NFATC2: variants seen among roughly 807,000 people sequenced by gnomAD.
NFATC2 encodes nuclear factor of activated T cells 2.
In NFATC2, 22 loss-of-function variants were observed where a neutral mutation model predicts 87.3. The ratio of observed to expected loss-of-function variants is 0.25; its 90% CI spans 0.18 to 0.36. The LOEUF (loss-of-function observed/expected upper bound fraction) is 0.36. NFATC2 is among the 10% of genes least tolerant of loss of function. The pLI is 1.00. For missense variants in NFATC2, 1,149 were observed against 1,259.1 expected, an observed-to-expected ratio of 0.91 and a Z score of 1.32; for synonymous variants, 565 against 542.2, an observed-to-expected ratio of 1.04 and a Z score of -0.58.
In NFATC2 at chr20:51,524,241, G is replaced by A. The variant is rs2076506622; in HGVS notation, c.131-131C>T. The A allele has an allele frequency of 6.1e-6, 5 of 823,270 alleles. No homozygotes were observed. Among genetic ancestry groups the A allele is most frequent in the Non-Finnish European group, 8.4e-6 (5 of 596,170 alleles). 51.0% of individuals were successfully genotyped at this position (823,270 alleles called of 1,614,324 possible). A position where few individuals can be genotyped will look rare whatever the true frequency, so the allele number is the denominator to read the frequency against. On this transcript the variant is annotated intron_variant, in intron 1 of 10. Coordinates refer to ENST00000371564, the MANE Select transcript of NFATC2 (RefSeq NM_012340.5). This position sits in a 1 kb window ranked among gnomAD's most constrained non-coding sequence, Gnocchi z 4.0. ...AAATTCCCACCATGCCAAACCCCAA[G>A]CTAGAAGCTCCGTCCCTCACCAGAA...
chr20:51,408,331 T>C (rs1978649379), intron 9 of NFATC2, among the ~76,000 whole-genome samples: 1 of 151,842 alleles, frequency 6.6e-6, no homozygotes, highest in South Asian at 2.1e-4. Flanking sequence ...CTGGCCAACA[T>C]AGGGAAACCC....
intron 1 of NFATC2, among the ~76,000 whole-genome samples, chr20:51,559,865 T>C (rs1363978226): frequency 6.6e-6 from 1 of 152,248 alleles, no homozygotes; most frequent in Non-Finnish European, 1.5e-5. Context: ...CTGAGCATTT[T>C]ACATGCATCA....
At chr20:51,415,942 A>G (rs925881359) in intron 9 of NFATC2, among the ~76,000 whole-genome samples, 1 of 152,218 alleles carries the variant, frequency 6.6e-6, no homozygotes, top group East Asian at 1.9e-4. Context: ...GTCCAGGGAA[A>G]AAGAAAACAG....
chr20:51,554,114 C>A (rs2076957835), intron 1 of NFATC2, among the ~76,000 whole-genome samples: 1 of 152,134 alleles, frequency 6.6e-6, no homozygotes, highest in South Asian at 2.1e-4. Flanking sequence ...ATCCGCACAA[C>A]TAAACCCTGG....
At chr20:51,427,552 C>T (rs922879864) in intron 9 of NFATC2, among the ~76,000 whole-genome samples, 3 of 152,152 alleles carry the variant, frequency 2.0e-5, no homozygotes, top group Non-Finnish European at 2.9e-5. Context: ...CTTTTTTCAA[C>T]CCTTGACTCC....
chr20:51,491,871 TACACATAC>T (rs1264532653), intron 3 of NFATC2, among the ~76,000 whole-genome samples: 7,357 of 86,094 alleles, frequency 0.085, 319 homozygotes, highest in East Asian at 0.15. Context: ...AACACACACA[TACACATAC>T]ACACACACAC....
In NFATC2 at chr20:51,486,129, T is replaced by C. The variant is rs548127935; in HGVS notation, c.1333-10469A>G. On this transcript the variant is annotated intron_variant, in intron 3 of 10. Coordinates refer to ENST00000371564, the MANE Select transcript of NFATC2 (RefSeq NM_012340.5). ...AGGAGACTGAGACATGAGAATCGCT[T>C]GAACCCGGGAGGCAGAGGTTGCAGT... 7.0e-4 allele frequency among the ~76,000 whole-genome samples: 107 copies of C among 152,062 alleles called. 1 individual carries two copies. Among genetic ancestry groups the C allele is most frequent in the African/African-American group, 2.6e-3 (106 of 41,450 alleles).
At chr20:51,422,671 G>A (rs1008908122) in intron 9 of NFATC2, among the ~76,000 whole-genome samples, 18 of 150,608 alleles carry the variant, frequency 1.2e-4, no homozygotes, top group African/African-American at 4.2e-4. Flanking sequence ...AATGTTACTT[G>A]AAGGCAGCAC....
chr20:51,478,053 C>T (rs1345417577), intron 3 of NFATC2, among the ~76,000 whole-genome samples: 3 of 152,238 alleles, frequency 2.0e-5, no homozygotes, highest in Non-Finnish European at 1.5e-5. Flanking sequence ...ATGGCATGCT[C>T]ATGTCCCCTT....
intron 3 of NFATC2, among the ~76,000 whole-genome samples, chr20:51,484,720 G>A (rs1482588959): frequency 1.3e-5 from 2 of 152,214 alleles, no homozygotes; most frequent in Admixed American, 6.5e-5. Context: ...TGTCCTGCTC[G>A]GTGTGGGCAC....
intron 10 of NFATC2, among the ~76,000 whole-genome samples, chr20:51,394,866 C>T (rs1250136762): frequency 1.3e-5 from 2 of 151,560 alleles, no homozygotes; most frequent in Admixed American, 6.6e-5. Context: ...AGTGTTCTGC[C>T]TCTTCCTGGA....
At chr20:51,516,645 C>G (rs1457156418) in intron 3 of NFATC2, 139 bp downstream of exon 3, 1 of 802,994 alleles carries the variant, frequency 1.2e-6, no homozygotes, top group African/African-American at 1.7e-5. Flanking sequence ...CTAATTTAAT[C>G]TCATATTTCT....
intron 5 of NFATC2, among the ~76,000 whole-genome samples, chr20:51,461,035 C>T (rs899254540): frequency 1.3e-5 from 2 of 152,226 alleles, no homozygotes; most frequent in African/African-American, 4.8e-5. Flanking sequence ...GGACGGGGAA[C>T]TCCTCCAGGG....
chr20:51,552,378 A>G (rs1372700075), intron 1 of NFATC2, among the ~76,000 whole-genome samples: 1 of 152,108 alleles, frequency 6.6e-6, no homozygotes, highest in African/African-American at 2.4e-5. Flanking sequence ...TGCTCCCCCA[A>G]ATGCCTCATT....
At chr20:51,398,763 G>GAA in intron 9 of NFATC2, 33 bp from the exon 10 acceptor site, 10 of 1,248,740 alleles carry the variant, frequency 8.0e-6, no homozygotes, top group Admixed American at 1.9e-5. Flanking sequence ...TTTTTGAGAA[G>GAA]AAAAAAAAAA....
upstream of NFATC2, among the ~76,000 whole-genome samples, chr20:51,546,942 C>T (rs759292137): frequency 6.6e-5 from 10 of 152,028 alleles, no homozygotes; most frequent in South Asian, 4.2e-4. Context: ...AAGTATGAAA[C>T]GATGGAGGAC....
intron 9 of NFATC2, among the ~76,000 whole-genome samples, chr20:51,428,281 G>A (rs1982161462): frequency 6.6e-6 from 1 of 152,194 alleles, no homozygotes; most frequent in South Asian, 2.1e-4. Context: ...ACAGCAGAGA[G>A]AACGCAAGTG....
chr20:51,542,350 C>A lies in NFATC2; in HGVS notation c.130+20G>T. The stretch of plus-strand genomic sequence containing the variant: ...CCCCTGGCGGGCTCAGGGGCCAGGC[C>A]AGGGGTAGCCTCCACCGACCTTCGT... On this transcript the variant is annotated intron_variant, in intron 1 of 10. Transcript: ENST00000371564. 1 of 1,602,254 alleles carries A rather than the reference C, an allele frequency of 6.2e-7. No homozygotes were observed. Among genetic ancestry groups the A allele is most frequent in the Non-Finnish European group, 8.5e-7 (1 of 1,174,122 alleles).
intron 9 of NFATC2, among the ~76,000 whole-genome samples, chr20:51,420,297 CA>C (rs892569003): frequency 5.9e-5 from 9 of 152,168 alleles, no homozygotes; most frequent in Middle Eastern, 3.2e-3. Flanking sequence ...TGACTATCAC[CA>C]AAAGACAGGC....
Sources: allele counts gnomAD v4.1 joint callset (sites outside exome capture counted in the v4.1 genomes callset), GRCh38; gene constraint gnomAD v4.1.1; non-coding constraint Gnocchi (gnomAD v3.1); transcripts MANE v1.5; gene names NCBI Gene and HGNC (gene_info 2026-07-23, HGNC 2026-07-21).